Variants in MTCL2 observed in about 807,000 individuals in gnomAD.
The protein encoded by MTCL2 is microtubule cross-linking factor 2.
the MTCL2 span, among the ~76,000 whole-genome samples, chr20:36,791,274 C>T: frequency 6.6e-6 from 1 of 152,128 alleles, no homozygotes; most frequent in Non-Finnish European, 1.5e-5. Flanking sequence ...ACCTTGTGAT[C>T]CACCCGCCTC....
the MTCL2 span, chr20:36,785,305 C>T: frequency 1.0e-6 from 1 of 985,342 alleles, no homozygotes; most frequent in African/African-American, 1.7e-5. Context: ...CTCATGTTGT[C>T]CCAGTGGCAA....
At chr20:36,787,937 A>C in the MTCL2 span, among the ~76,000 whole-genome samples, 1 of 146,938 alleles carries the variant, frequency 6.8e-6, no homozygotes, top group African/African-American at 2.5e-5. Flanking sequence ...ATGGTGGCTC[A>C]CACCTGTAAT....
chr20:36,828,893 A>G, the MTCL2 span: 3 of 734,568 alleles, frequency 4.1e-6, no homozygotes, highest in African/African-American at 5.4e-5. Flanking sequence ...GTAGGTGCTC[A>G]GGAAATGCAT....
the MTCL2 span, among the ~76,000 whole-genome samples, chr20:36,841,874 G>GGGGTGTGTGGGTGTGTGT: frequency 1.3e-4 from 14 of 110,768 alleles, no homozygotes; most frequent in East Asian, 3.7e-4. Flanking sequence ...TGGGGGGTGG[G>GGGGTGTGTGGGTGTGTGT]GTGTGTGTGT....
At chr20:36,861,273 G>A in the MTCL2 span, among the ~76,000 whole-genome samples, 1 of 152,142 alleles carries the variant, frequency 6.6e-6, no homozygotes, top group Non-Finnish European at 1.5e-5. Context: ...GGCTTCTGAA[G>A]ACTCAAAGAG....
the MTCL2 span, chr20:36,862,757 C>G: frequency 1.4e-6 from 2 of 1,459,280 alleles, no homozygotes; most frequent in Non-Finnish European, 1.8e-6. Context: ...AGAAGGCAAG[C>G]GAGGCGCTGA....
chr20:36,836,235 T>C, the MTCL2 span, among the ~76,000 whole-genome samples: 5 of 152,028 alleles, frequency 3.3e-5, no homozygotes, highest in Non-Finnish European at 5.9e-5. Context: ...AGTGCAGTGC[T>C]GCAATCATAG....
chr20:36,834,049 G>A, the MTCL2 span, among the ~76,000 whole-genome samples: 1 of 151,730 alleles, frequency 6.6e-6, no homozygotes, highest in East Asian at 1.9e-4. Context: ...TGTAATCCCA[G>A]CTACTCGGAA....
At chr20:36,812,174 A>G in the MTCL2 span, among the ~76,000 whole-genome samples, 1 of 152,206 alleles carries the variant, frequency 6.6e-6, no homozygotes, top group African/African-American at 2.4e-5. Context: ...CATTATCATC[A>G]TAATCATCCT....
chr20:36,831,724 C>A, the MTCL2 span, among the ~76,000 whole-genome samples: 10 of 152,208 alleles, frequency 6.6e-5, no homozygotes, highest in African/African-American at 2.2e-4. Flanking sequence ...GGGTACCAGA[C>A]CTTCCTCATC....
At chr20:36,814,295 T>C in the MTCL2 span, among the ~76,000 whole-genome samples, 1 of 152,222 alleles carries the variant, frequency 6.6e-6, no homozygotes, top group East Asian at 1.9e-4. Context: ...ATACATTGCG[T>C]TAAAAATATA....
the MTCL2 span, among the ~76,000 whole-genome samples, chr20:36,841,871 T>TGGG: frequency 1.1e-3 from 121 of 105,762 alleles, 1 homozygote; most frequent in African/African-American, 4.0e-3. Context: ...GGGTGGGGGG[T>TGGG]GGGGTGTGTG....
At chr20:36,860,878 G>A in the MTCL2 span, among the ~76,000 whole-genome samples, 2 of 152,182 alleles carry the variant, frequency 1.3e-5, no homozygotes, top group Admixed American at 1.3e-4. Context: ...CCAAACGTGG[G>A]ATGTCCCCAG....
At chr20:36,856,337 G>A in the MTCL2 span, among the ~76,000 whole-genome samples, 808 of 152,288 alleles carry the variant, frequency 5.3e-3, 3 homozygotes, top group African/African-American at 0.016. Flanking sequence ...AGCTCCTCTA[G>A]CCACCTCTAC....
the MTCL2 span, among the ~76,000 whole-genome samples, chr20:36,851,965 G>A: frequency 6.6e-6 from 1 of 152,108 alleles, no homozygotes; most frequent in Non-Finnish European, 1.5e-5. Context: ...ATGCCCATGG[G>A]TGCTTCAGAC....
chr20:36,829,340 C>A, the MTCL2 span: 4 of 900,276 alleles, frequency 4.4e-6, no homozygotes, highest in East Asian at 1.1e-4. Context: ...CGCATCACTG[C>A]CACGCTGCAG....
the MTCL2 span, chr20:36,781,595 C>G: frequency 1.3e-5 from 2 of 151,712 alleles, no homozygotes; most frequent in Non-Finnish European, 1.5e-5. Flanking sequence ...CCTGTAACCC[C>G]AGCACTTTGG....
chr20:36,863,458 G>C, the MTCL2 span: 2 of 727,144 alleles, frequency 2.8e-6, no homozygotes, highest in Admixed American at 5.2e-5. The surrounding 1 kb of genome is among the most constrained non-coding windows in gnomAD (Gnocchi z 6.2). Flanking sequence ...GGCTGCTCTC[G>C]GCCCACCTCG....
the MTCL2 span, chr20:36,781,796 G>A: frequency 6.6e-6 from 1 of 152,084 alleles, no homozygotes; most frequent in Non-Finnish European, 1.5e-5. Flanking sequence ...CACCAATGGT[G>A]TGGCCAATAG....
Sources: gnomAD v4.1 joint callset for allele counts (sites outside exome capture counted in the v4.1 genomes callset) on GRCh38, gnomAD v4.1.1 for gene constraint, Gnocchi (gnomAD v3.1) non-coding constraint, MANE v1.5 for transcripts, NCBI Gene and HGNC (gene_info 2026-07-23, HGNC 2026-07-21) for gene names.